GBF1: variants seen among roughly 807,000 people sequenced by gnomAD.
The protein encoded by GBF1 is golgi brefeldin A resistant guanine nucleotide exchange factor 1.
GBF1 carries 114 observed loss-of-function variants against 210.5 expected under a neutral mutation model. That is an observed-to-expected ratio of 0.54 (90% CI 0.47 to 0.63). The LOEUF (loss-of-function observed/expected upper bound fraction) is 0.63, where lower values mean the gene tolerates loss of function less well. Among genes scored for constraint, GBF1 ranks in the 30% least tolerant of loss-of-function variants. GBF1 has a pLI of 0.00. For synonymous variants in GBF1, 850 were observed against 889.2 expected, an observed-to-expected ratio of 0.96 and a Z score of 0.78; for missense variants, 1,851 against 2,357.7, an observed-to-expected ratio of 0.79 and a Z score of 4.45.
rs1031482651 is a variant in GBF1 at position 102,322,606 on chromosome 10, ATGTG to A, written c.164-21444_164-21441del. On this transcript the variant is annotated intron_variant, in intron 3 of 39. Transcript: ENST00000369983. Reference sequence around the variant, plus strand: ...TACTAGTGTTAGTAGTTCTCCTTACATGTGGTGTCTCATGCCTGTAATTCTAGCA... The same window carrying A: ...TACTAGTGTTAGTAGTTCTCCTTACAGTGTCTCATGCCTGTAATTCTAGCA... 3.5e-4 allele frequency among the ~76,000 whole-genome samples: 53 copies of A among 150,926 alleles called. 1 individual carries two copies. The Admixed American group carries it at 3.5e-3, about 10-fold the overall frequency.
chr10:102,274,598 TTG>T lies in GBF1; in HGVS notation c.163+14484_163+14485del, dbSNP rs1395160330. On this transcript the variant is annotated intron_variant, in intron 3 of 39. Transcript: ENST00000369983. ...CATAGGATAAGTTATCAATGGCTGA[TTG>T]TTTTTTCTAATAAAATTCAACTTTG... Among the ~76,000 whole-genome samples the T allele has an allele frequency of 1.1e-4, 16 of 152,180 alleles. 1 individual carries two copies. In the South Asian group the frequency reaches 3.1e-3, roughly 30 times the overall value.
chr10:102,261,648 C>G (rs1344827404), intron 3 of GBF1, among the ~76,000 whole-genome samples: 1 of 132,976 alleles, frequency 7.5e-6, no homozygotes, highest in Admixed American at 8.3e-5. Context: ...CAGTGTGTCT[C>G]TCTGTTGCCT....
At chr10:102,339,519 T>G (rs2058025164) in intron 3 of GBF1, among the ~76,000 whole-genome samples, 1 of 150,850 alleles carries the variant, frequency 6.6e-6, no homozygotes, top group South Asian at 2.1e-4. Context: ...ACAAAAAAAT[T>G]AACTGGGCGT....
upstream of GBF1, among the ~76,000 whole-genome samples, chr10:102,243,557 G>A (rs2070590560): frequency 6.6e-6 from 1 of 152,210 alleles, no homozygotes. Flanking sequence ...TTGGCGAGCA[G>A]AAATTTTTGG....
chr10:102,266,053 C>T (rs558948814), intron 3 of GBF1, among the ~76,000 whole-genome samples: 5 of 152,134 alleles, frequency 3.3e-5, no homozygotes, highest in South Asian at 4.1e-4. Context: ...CTGGCGAACA[C>T]GGTGAAACCC....
chr10:102,250,133 A>G (rs985982560), intron 1 of GBF1, among the ~76,000 whole-genome samples: 42 of 152,216 alleles, frequency 2.8e-4, no homozygotes, highest in African/African-American at 8.9e-4. Context: ...ACACAAAGGC[A>G]TCATGAAAAA....
intron 3 of GBF1, among the ~76,000 whole-genome samples, chr10:102,331,077 A>G (rs1205704155): frequency 2.0e-5 from 3 of 152,124 alleles, no homozygotes; most frequent in Non-Finnish European, 4.4e-5. Flanking sequence ...TCTGAGATAC[A>G]CATGCTGTTA....
Position 102,322,928 on chromosome 10 carries a change from T to TAAG in GBF1, c.164-21121_164-21120insGAA, listed in dbSNP as rs1310267661. Among the ~76,000 whole-genome samples, 15 of 151,784 alleles carry TAAG rather than the reference T, an allele frequency of 9.9e-5. No homozygotes were observed. In the Admixed American group the frequency reaches 9.9e-4, roughly 10 times the overall value. On this transcript the variant is annotated intron_variant, in intron 3 of 39. Transcript: ENST00000369983. ...CAAGACTGTCTCAAAGTAATAATAA[T>TAAG]AATAAGAAGAAGACAAAGAAGAGCC...
chr10:102,327,158 G>C (rs183493529), intron 3 of GBF1, among the ~76,000 whole-genome samples: 4 of 152,326 alleles, frequency 2.6e-5, no homozygotes, highest in Admixed American at 6.5e-5. Flanking sequence ...AGGGAGGCTG[G>C]AGTAGGGTTT....
intron 23 of GBF1, 152 bp from the exon 24 acceptor site, chr10:102,369,059 T>C (rs2060066723): frequency 1.5e-6 from 1 of 674,430 alleles, no homozygotes; most frequent in African/African-American, 1.8e-5. Context: ...GGGGAAGGCC[T>C]TAACTAGGTT....
intron 3 of GBF1, among the ~76,000 whole-genome samples, chr10:102,304,927 G>A (rs908593441): frequency 4.0e-5 from 6 of 151,418 alleles, no homozygotes; most frequent in South Asian, 4.2e-4. Flanking sequence ...CAGGAGGATC[G>A]TTTGAGCTCA....
intron 3 of GBF1, among the ~76,000 whole-genome samples, chr10:102,321,463 T>C (rs1463605176): frequency 4.6e-5 from 7 of 152,266 alleles, no homozygotes; most frequent in Admixed American, 3.3e-4. Context: ...ATATATCATA[T>C]ACTACATATT....
chr10:102,261,702 A>C (rs934441675), intron 3 of GBF1, among the ~76,000 whole-genome samples: 1 of 146,648 alleles, frequency 6.8e-6, no homozygotes, highest in Non-Finnish European at 1.5e-5. Flanking sequence ...TGCAACTGCA[A>C]CTTCCGTCTC....
intron 3 of GBF1, among the ~76,000 whole-genome samples, chr10:102,322,438 G>T (rs1466490519): frequency 6.6e-6 from 1 of 152,062 alleles, no homozygotes; most frequent in Non-Finnish European, 1.5e-5. Context: ...TTTCTTGTTA[G>T]ATTTATTCCT....
At chr10:102,332,909 T>G (rs2057441227) in intron 3 of GBF1, among the ~76,000 whole-genome samples, 1 of 152,226 alleles carries the variant, frequency 6.6e-6, no homozygotes. Flanking sequence ...GAGAAACTGT[T>G]GTGTGATAGC....
intron 1 of GBF1, among the ~76,000 whole-genome samples, chr10:102,254,519 G>A (rs2072057514): frequency 6.6e-6 from 1 of 152,012 alleles, no homozygotes; most frequent in East Asian, 1.9e-4. Context: ...GCTTTTGTTG[G>A]ATATAGACAG....
the GBF1 span, among the ~76,000 whole-genome samples, chr10:102,233,547 G>C: frequency 6.6e-6 from 1 of 152,004 alleles, no homozygotes; most frequent in Non-Finnish European, 1.5e-5. Flanking sequence ...CAGGTGATCT[G>C]CCTGCCTCGG....
chr10:102,326,560 T>C (rs2056919786), intron 3 of GBF1, among the ~76,000 whole-genome samples: 1 of 152,206 alleles, frequency 6.6e-6, no homozygotes, highest in African/African-American at 2.4e-5. Flanking sequence ...CAATAAAATA[T>C]GCAGATGTTA....
rs753694140 is a variant in GBF1 at position 102,314,141 on chromosome 10, C to CTTT, written c.164-29893_164-29891dup. Among the ~76,000 whole-genome samples, 16 of 119,908 alleles carry CTTT rather than the reference C, an allele frequency of 1.3e-4. 2 individuals carry two copies. Among genetic ancestry groups the CTTT allele is most frequent in the East Asian group, 2.5e-4 (1 of 4,028 alleles). The allele number at this position is 119,908 out of a possible 152,430, so 78.7% of individuals were successfully genotyped here. A position where few individuals can be genotyped will look rare whatever the true frequency, so the allele number is the denominator to read the frequency against. ...GGAAGAAGAAATCCTTTAAACATAT[C>CTTT]TTTTTTTTTTTTTTTTTTTCTGGAG... On this transcript the variant is annotated intron_variant, in intron 3 of 39. Coordinates refer to ENST00000369983, the MANE Select transcript of GBF1 (RefSeq NM_001377137.1).
Sources: allele counts gnomAD v4.1 joint callset (sites outside exome capture counted in the v4.1 genomes callset), GRCh38; gene constraint gnomAD v4.1.1; transcripts MANE v1.5; gene names NCBI Gene and HGNC (gene_info 2026-07-23, HGNC 2026-07-21).